BABAM2: variants seen among roughly 807,000 people sequenced by gnomAD.
BABAM2 encodes the protein BRISC and BRCA1-A complex member 2.
BABAM2 carries 31 observed loss-of-function variants against 54.7 expected under a neutral mutation model. The observed-to-expected ratio is 0.57, with a 90% CI of 0.43 to 0.77. The LOEUF (loss-of-function observed/expected upper bound fraction) is 0.77. BABAM2 is among the 30% of genes least tolerant of loss of function. The pLI is 0.00. For missense variants in BABAM2, 364 were observed against 455.8 expected (o/e 0.80, Z 1.83); for synonymous variants, 167 against 162.9 (o/e 1.03, Z -0.19).
At chr2:27,921,543 C>T (rs757727948) in intron 2 of BABAM2, among the ~76,000 whole-genome samples, 9 of 152,022 alleles carry the variant, frequency 5.9e-5, no homozygotes, top group Non-Finnish European at 1.2e-4. Context: ...TGGAGGCAGA[C>T]ATCCTGGGTT....
intron 7 of BABAM2, among the ~76,000 whole-genome samples, chr2:28,178,418 A>T (rs1336951457): frequency 6.6e-6 from 1 of 152,190 alleles, no homozygotes; most frequent in Non-Finnish European, 1.5e-5. Flanking sequence ...TCAAGGAAGA[A>T]ATTAAGGAGG....
intron 6 of BABAM2, among the ~76,000 whole-genome samples, chr2:28,117,791 G>A (rs1234003192): frequency 6.6e-6 from 1 of 152,164 alleles, no homozygotes; most frequent in Admixed American, 6.5e-5. Context: ...GGGGCCTGGG[G>A]GTGGGGTCTA....
At chr2:27,975,548 T>C (rs1050169916) in intron 3 of BABAM2, among the ~76,000 whole-genome samples, 1 of 152,066 alleles carries the variant, frequency 6.6e-6, no homozygotes, top group Non-Finnish European at 1.5e-5. Context: ...TCAAACCATG[T>C]TCAAAAATTG....
intron 7 of BABAM2, among the ~76,000 whole-genome samples, chr2:28,173,897 GAAAAC>G (rs1259856453): frequency 6.6e-6 from 1 of 151,928 alleles, no homozygotes; most frequent in African/African-American, 2.4e-5. Flanking sequence ...TAATCCATGA[GAAAAC>G]AAAAAATAAA....
At chr2:28,297,083 A>C (rs1416231788) in intron 10 of BABAM2, among the ~76,000 whole-genome samples, 1 of 152,214 alleles carries the variant, frequency 6.6e-6, no homozygotes, top group Non-Finnish European at 1.5e-5. Flanking sequence ...AGCTTCCTAA[A>C]TTGTGACATA....
intron 5 of BABAM2, among the ~76,000 whole-genome samples, chr2:28,036,006 C>T (rs796443937): frequency 3.3e-5 from 5 of 152,184 alleles, no homozygotes; most frequent in African/African-American, 1.2e-4. Flanking sequence ...ATTTCCTTTG[C>T]CTATACTTTT....
intron 4 of BABAM2, among the ~76,000 whole-genome samples, chr2:28,018,209 C>T (rs1026777021): frequency 1.3e-5 from 2 of 152,168 alleles, no homozygotes; most frequent in Non-Finnish European, 2.9e-5. Flanking sequence ...CATTCTTATA[C>T]ATTTGTGTCC....
chr2:28,032,503 C>A (rs867567862), intron 5 of BABAM2, among the ~76,000 whole-genome samples: 3 of 151,402 alleles, frequency 2.0e-5, no homozygotes, highest in African/African-American at 7.3e-5. Context: ...AAACATTAAC[C>A]AAAAAAAACC....
intron 1 of BABAM2, among the ~76,000 whole-genome samples, chr2:27,892,960 T>G (rs1435268453): frequency 1.3e-5 from 2 of 152,248 alleles, no homozygotes; most frequent in South Asian, 2.1e-4. Flanking sequence ...AGTGTTCTTA[T>G]TTTTTGAGCT....
chr2:27,907,219 C>G (rs1666244799), intron 2 of BABAM2, among the ~76,000 whole-genome samples: 1 of 152,038 alleles, frequency 6.6e-6, no homozygotes, highest in African/African-American at 2.4e-5. Flanking sequence ...GTTTATCCCA[C>G]TGACCTTGCT....
intron 11 of BABAM2, among the ~76,000 whole-genome samples, chr2:28,332,976 C>G (rs1345055269): frequency 6.6e-6 from 1 of 152,138 alleles, no homozygotes; most frequent in Non-Finnish European, 1.5e-5. Context: ...CAAGGAGCCT[C>G]GGGAAAGGCT....
chr2:28,060,683 A>G (rs530482247), intron 6 of BABAM2, among the ~76,000 whole-genome samples: 1 of 152,318 alleles, frequency 6.6e-6, no homozygotes, highest in East Asian at 1.9e-4. Flanking sequence ...TTATATTTCT[A>G]TAGGCTAACA....
intron 6 of BABAM2, among the ~76,000 whole-genome samples, chr2:28,104,301 A>T (rs566857825): frequency 6.6e-6 from 1 of 152,328 alleles, no homozygotes; most frequent in South Asian, 2.1e-4. Flanking sequence ...CTTTTGACAA[A>T]GGGCTAATAT....
intron 4 of BABAM2, among the ~76,000 whole-genome samples, chr2:28,021,076 AG>A (rs1468719559): frequency 2.6e-5 from 4 of 152,174 alleles, no homozygotes; most frequent in Non-Finnish European, 4.4e-5. Context: ...GCTGAAAAAA[AG>A]AACTTGACTA....
At chr2:28,116,611 C>T (rs1340516002) in intron 6 of BABAM2, among the ~76,000 whole-genome samples, 3 of 152,130 alleles carry the variant, frequency 2.0e-5, no homozygotes, top group Admixed American at 6.5e-5. Flanking sequence ...TGGGAAGAAT[C>T]GCTAAACTCC....
chr2:28,030,837 A>T (rs1407819729), intron 5 of BABAM2, among the ~76,000 whole-genome samples: 1 of 152,144 alleles, frequency 6.6e-6, no homozygotes, highest in Middle Eastern at 3.2e-3. Context: ...GGCCAAAATC[A>T]AGGGGTTGGC....
At chr2:28,035,569 C>G (rs542127497) in intron 5 of BABAM2, among the ~76,000 whole-genome samples, 4 of 152,002 alleles carry the variant, frequency 2.6e-5, no homozygotes, top group Non-Finnish European at 1.5e-5. Flanking sequence ...AAGGAATTGA[C>G]CATATTTGTT....
chr2:28,025,476 A>G, intron 5 of BABAM2, 56 bp downstream of exon 5: 2 of 1,433,688 alleles, frequency 1.4e-6, no homozygotes, highest in Non-Finnish European at 1.9e-6. Context: ...AAAATAATCA[A>G]TTCATATGTC....
At chr2:27,927,844 T>TG (rs917754962) in intron 2 of BABAM2, among the ~76,000 whole-genome samples, 3 of 150,960 alleles carry the variant, frequency 2.0e-5, no homozygotes, top group Non-Finnish European at 4.4e-5. Flanking sequence ...TTCTGTTTTT[T>TG]TTTTTTTTTT....
Sources: allele counts gnomAD v4.1 joint callset (sites outside exome capture counted in the v4.1 genomes callset), GRCh38; gene constraint gnomAD v4.1.1; transcripts MANE v1.5; gene names NCBI Gene and HGNC (gene_info 2026-07-23, HGNC 2026-07-21).